BTBD10: variants seen among roughly 807,000 people sequenced by gnomAD.
BTBD10 encodes BTB/POZ domain-containing protein 10.
A neutral mutation model predicts 53.2 loss-of-function variants in BTBD10; 21 were observed. The observed-to-expected ratio is 0.39, with a 90% confidence interval of 0.28 to 0.57. The LOEUF (loss-of-function observed/expected upper bound fraction) is 0.57. Ranked by LOEUF, BTBD10 falls within the 20% of genes least tolerant of loss-of-function variation. The probability of loss-of-function intolerance (pLI) is 0.53; values close to 1 mark genes in which losing one functional copy is unlikely to be tolerated. For missense variants in BTBD10, 360 were observed against 594.7 expected, an observed-to-expected ratio of 0.61 and a Z score of 4.10; for synonymous variants, 149 against 192.7, an observed-to-expected ratio of 0.77 and a Z score of 1.88.
chr11:13,462,208 G>C (rs1951116908), intron 1 of BTBD10, among the ~76,000 whole-genome samples: 1 of 152,092 alleles, frequency 6.6e-6, no homozygotes, highest in African/African-American at 2.4e-5. Flanking sequence ...GTAGTTGGGG[G>C]GTTGGGAGGA....
At chr11:13,425,458 A>G (rs2133980863) in intron 2 of BTBD10, among the ~76,000 whole-genome samples, 1 of 152,344 alleles carries the variant, frequency 6.6e-6, no homozygotes, top group African/African-American at 2.4e-5. Flanking sequence ...AAGTGAGAAC[A>G]CATAACCCAT....
At chr11:13,398,355 G>A (rs1049768309) in intron 8 of BTBD10, among the ~76,000 whole-genome samples, 1 of 151,820 alleles carries the variant, frequency 6.6e-6, no homozygotes, top group Non-Finnish European at 1.5e-5. Context: ...TCAGAGACTA[G>A]GATTGAAACC....
chr11:13,459,061 T>TATTTA (rs1555034664), intron 1 of BTBD10, among the ~76,000 whole-genome samples: 17 of 136,800 alleles, frequency 1.2e-4, no homozygotes, highest in African/African-American at 4.6e-4. Context: ...TTTATTTATT[T>TATTTA]TTTTTTTTTT....
At position 13,397,088 on chromosome 11, in the gene BTBD10, A is replaced by G. The variant is rs188238763; in HGVS notation, c.1117+6080T>C. Among the ~76,000 whole-genome samples, 514 of 152,282 alleles carry G rather than the reference A, an allele frequency of 3.4e-3. 4 individuals carry two copies. The highest frequency in any genetic ancestry group is 0.011 in the African/African-American group (466 of 41,554). On this transcript the variant is annotated intron_variant, in intron 8 of 8. Coordinates refer to ENST00000278174, the MANE Select transcript of BTBD10 (RefSeq NM_032320.7). ...GTTAGGAAAGATTCCATCTTTTTCT[A>G]TTGATTGGAATAGTTTCAGAAGGAA...
chr11:13,390,926 T>A (rs1257535424), intron 8 of BTBD10, among the ~76,000 whole-genome samples: 1 of 152,138 alleles, frequency 6.6e-6, no homozygotes, highest in Non-Finnish European at 1.5e-5. Flanking sequence ...ATACTTTTGG[T>A]CAATTACCTC....
intron 6 of BTBD10, among the ~76,000 whole-genome samples, chr11:13,408,029 A>G (rs1949866359): frequency 6.6e-6 from 1 of 152,166 alleles, no homozygotes; most frequent in South Asian, 2.1e-4. Flanking sequence ...GAGCCACCCC[A>G]GCCCATCAAT....
chr11:13,406,558 A>AGT (rs1481225592), intron 6 of BTBD10, among the ~76,000 whole-genome samples: 1 of 142,988 alleles, frequency 7.0e-6, no homozygotes, highest in Non-Finnish European at 1.5e-5. Flanking sequence ...CATACGCATG[A>AGT]GTGAGAGAGA....
chr11:13,423,121 A>T (rs1250827532), intron 2 of BTBD10, among the ~76,000 whole-genome samples: 1 of 152,150 alleles, frequency 6.6e-6, no homozygotes, highest in East Asian at 1.9e-4. Flanking sequence ...AAATAGATAA[A>T]ATTTCAATAA....
chr11:13,426,187 G>GA (rs1353674636), intron 2 of BTBD10, among the ~76,000 whole-genome samples: 2 of 151,284 alleles, frequency 1.3e-5, no homozygotes, highest in East Asian at 1.9e-4. Context: ...ACACTTTAAA[G>GA]AAAAAAAATG....
chr11:13,401,647 T>C (rs547322851), intron 8 of BTBD10, among the ~76,000 whole-genome samples: 2 of 152,236 alleles, frequency 1.3e-5, no homozygotes, highest in African/African-American at 4.8e-5. Flanking sequence ...AGGAAATAAT[T>C]TCTAATAAAT....
chr11:13,405,565 C>A, intron 7 of BTBD10, 94 bp downstream of exon 7: 1 of 1,363,338 alleles, frequency 7.3e-7, no homozygotes, highest in South Asian at 1.3e-5. Context: ...GCTGGATTGA[C>A]CCCCAGGCTG....
intron 6 of BTBD10, among the ~76,000 whole-genome samples, chr11:13,412,939 G>C (rs556202952): frequency 1.4e-4 from 21 of 152,266 alleles, no homozygotes; most frequent in African/African-American, 3.6e-4. Flanking sequence ...ATGGGAGTAG[G>C]GGTGCTGAAG....
intron 2 of BTBD10, among the ~76,000 whole-genome samples, chr11:13,428,462 A>G (rs535449104): frequency 2.0e-5 from 3 of 152,234 alleles, no homozygotes; most frequent in East Asian, 1.9e-4. Context: ...CCAGACACCA[A>G]TATCTAGAAA....
At chr11:13,440,545 T>C (rs1445290751) in intron 2 of BTBD10, among the ~76,000 whole-genome samples, 4 of 152,206 alleles carry the variant, frequency 2.6e-5, no homozygotes, top group African/African-American at 7.2e-5. Flanking sequence ...AATATTATTG[T>C]ACTTAATTAA....
At chr11:13,421,516 A>G (rs1224675816) in intron 3 of BTBD10, 126 bp downstream of exon 3, 2 of 765,742 alleles carry the variant, frequency 2.6e-6, no homozygotes, top group Non-Finnish European at 3.8e-6. Context: ...ACTAAAACAG[A>G]AACAACTGAA....
intron 1 of BTBD10, among the ~76,000 whole-genome samples, chr11:13,448,719 C>A (rs1334499209): frequency 2.6e-5 from 4 of 152,116 alleles, no homozygotes; most frequent in Non-Finnish European, 4.4e-5. Context: ...TCCTTACTAG[C>A]TTTGCTGTAA....
intron 6 of BTBD10, among the ~76,000 whole-genome samples, chr11:13,411,520 T>C (rs984288502): frequency 1.3e-5 from 2 of 152,188 alleles, no homozygotes; most frequent in African/African-American, 4.8e-5. Context: ...ACAAGTAATC[T>C]AGAAACAACT....
At chr11:13,456,850 A>G (rs1218470294) in intron 1 of BTBD10, among the ~76,000 whole-genome samples, 2 of 152,206 alleles carry the variant, frequency 1.3e-5, no homozygotes, top group Non-Finnish European at 2.9e-5. Flanking sequence ...CAATACTGGC[A>G]TACACTGCCA....
At chr11:13,413,671 A>C in intron 5 of BTBD10, 21 bp from the exon 6 acceptor site, 1 of 1,600,682 alleles carries the variant, frequency 6.2e-7, no homozygotes, top group Non-Finnish European at 8.5e-7. Flanking sequence ...AAAAGTAAAG[A>C]AAGCATAAAA....
Sources: allele counts gnomAD v4.1 joint callset (sites outside exome capture counted in the v4.1 genomes callset), GRCh38; gene constraint gnomAD v4.1.1; transcripts MANE v1.5; gene names NCBI Gene and HGNC (gene_info 2026-07-23, HGNC 2026-07-21).